DNAJC10: variants seen among roughly 807,000 people sequenced by gnomAD.
DNAJC10 encodes the protein DnaJ heat shock protein family (Hsp40) member C10.
A neutral mutation model predicts 115.0 loss-of-function variants in DNAJC10; 101 were observed. That is an observed-to-expected ratio of 0.88 (90% CI 0.75 to 1.04). The LOEUF is 1.04. DNAJC10 is among the 50% of genes least tolerant of loss of function. The pLI is 0.00. For missense variants in DNAJC10, 981 were observed against 928.8 expected, an observed-to-expected ratio of 1.06 and a Z score of -0.73; for synonymous variants, 307 against 301.5, an observed-to-expected ratio of 1.02 and a Z score of -0.19.
rs1009623870 is a variant in DNAJC10, at chr2:182,745,851, G to A, written c.1306+2139G>A. Among the ~76,000 whole-genome samples the A allele has an allele frequency of 7.2e-5, 11 of 151,798 alleles. 1 individual carries two copies. The highest frequency in any genetic ancestry group is 6.3e-4 in the South Asian group (3 of 4,800). On this transcript the variant is annotated intron_variant, in intron 14 of 23. Coordinates refer to ENST00000264065, the MANE Select transcript of DNAJC10 (RefSeq NM_018981.4). ...GCGCTGCACCCACTAACTCGTCATC[G>A]AGCATTAGGTATATCTCCCCATGCT...
chr2:182,778,150 C>T lies in DNAJC10; in HGVS notation c.*1018C>T, dbSNP rs999947403. The T allele has an allele frequency of 9.2e-5, 14 of 151,928 alleles. No homozygotes were observed. The highest frequency in any genetic ancestry group is 8.5e-4 in the Admixed American group (13 of 15,216). The allele number at this position is 151,928 out of a possible 1,614,324, so 9.4% of individuals were successfully genotyped here. On this transcript the variant is annotated 3_prime_UTR_variant, in exon 24 of 24. Coordinates refer to ENST00000264065, the MANE Select transcript of DNAJC10 (RefSeq NM_018981.4). ...CTTTATTTACATTGGGTTTTTCTTT[C>T]GTAGTTTTGGTTTTTCACTCCTGTC...
intron 16 of DNAJC10, among the ~76,000 whole-genome samples, chr2:182,753,740 G>T (rs190891228): frequency 6.6e-6 from 1 of 151,620 alleles, no homozygotes; most frequent in Non-Finnish European, 1.5e-5. Context: ...CCGCCACCAC[G>T]TCCGGCTAAC....
Position 182,783,437 on chromosome 2 carries a change from C to G in DNAJC10, c.*6305C>G, listed in dbSNP as rs532005146. ...AAGGCAAAAAATACATATACACACACAAAAAAAATATTTCAGCAGCCACTG... is the reference window on the plus strand; with the variant it reads ...AAGGCAAAAAATACATATACACACAGAAAAAAAATATTTCAGCAGCCACTG... On this transcript the variant is annotated 3_prime_UTR_variant, in exon 24 of 24. Transcript: ENST00000264065. 2 of 151,608 alleles carry G rather than the reference C, an allele frequency of 1.3e-5. No individual in the cohort carries two copies. The highest frequency in any genetic ancestry group is 1.3e-4 in the Admixed American group (2 of 15,238). The allele number at this position is 151,608 out of a possible 1,614,324, so 9.4% of individuals were successfully genotyped here.
In DNAJC10 at chr2:182,720,161, A is replaced by C; in HGVS notation, c.359A>C (p.Tyr120Ser). 1 of 1,606,716 alleles carries C rather than the reference A, an allele frequency of 6.2e-7. No individual in the cohort carries two copies. Among genetic ancestry groups the C allele is most frequent in the Non-Finnish European group, 8.5e-7 (1 of 1,177,542 alleles). ...TATGAAAGCTGGAACTATTATCGTT[A>C]TGATTTTGGTAAGGTGATACGATAT... is the stretch of plus-strand genomic sequence containing the variant. Reference protein sequence around the residue: ...GQYESWNYYRYDFGIYDDDPE... With the variant: ...GQYESWNYYRSDFGIYDDDPE... The change falls in exon 4 of 24, where the codon TAT (tyrosine) becomes TCT (serine). Residue 120 changes from tyrosine (Y) to serine (S), a missense_variant. Tyr to Ser is a moderately radical substitution (Grantham distance 144, BLOSUM62 -2). Transcript: ENST00000264065.
intron 13 of DNAJC10, 104 bp downstream of exon 13, chr2:182,741,460 A>C (rs1693734643): frequency 1.8e-6 from 1 of 556,002 alleles, no homozygotes; most frequent in Non-Finnish European, 3.0e-6. Context: ...ATTTGAAATT[A>C]TAAGAAGCCT....
intron 14 of DNAJC10, among the ~76,000 whole-genome samples, chr2:182,750,866 A>G (rs1157824374): frequency 1.3e-5 from 2 of 152,178 alleles, no homozygotes. Context: ...GGACCCCATC[A>G]TATATGTGGT....
At position 182,728,957 on chromosome 2, in the gene DNAJC10, A is replaced by T; in HGVS notation, c.596A>T (p.Asn199Ile). Residue 199 changes from asparagine (N) to isoleucine (I), a missense_variant, in exon 7 of 24, where the codon AAC (asparagine) becomes ATC (isoleucine). Physicochemically the swap from Asn to Ile is moderately radical, Grantham distance 149. Coordinates refer to ENST00000264065, the MANE Select transcript of DNAJC10 (RefSeq NM_018981.4). Reference sequence around the variant, plus strand: ...ATGCTTTGCCGAATGAAAGGAGTCAACAGCTATCCCAGCCTCTTCATTTTT... The same window carrying T: ...ATGCTTTGCCGAATGAAAGGAGTCATCAGCTATCCCAGCCTCTTCATTTTT... ...DRMLCRMKGV[N>I]SYPSLFIFRS... 1 of 1,614,100 alleles carries T rather than the reference A, an allele frequency of 6.2e-7. No individual in the cohort carries two copies.
intron 10 of DNAJC10, among the ~76,000 whole-genome samples, chr2:182,733,953 T>C (rs983996722): frequency 5.9e-5 from 9 of 151,550 alleles, no homozygotes; most frequent in Non-Finnish European, 1.3e-4. Context: ...GTAGTATCTA[T>C]AGTGATGTTC....
intron 18 of DNAJC10, among the ~76,000 whole-genome samples, chr2:182,757,432 A>G (rs1228741710): frequency 6.6e-6 from 1 of 152,214 alleles, no homozygotes; most frequent in Non-Finnish European, 1.5e-5. Flanking sequence ...TTAGAAGTAT[A>G]TAGTTTTTTC....
chr2:182,724,786 A>G (rs1881097), intron 5 of DNAJC10, among the ~76,000 whole-genome samples: 2,632 of 152,298 alleles, frequency 0.017, 66 homozygotes, highest in East Asian at 0.11. Context: ...ACTGTTAGGC[A>G]CAACATCCCA....
chr2:182,735,220 A>T (rs1018636663), intron 10 of DNAJC10, among the ~76,000 whole-genome samples: 4 of 151,804 alleles, frequency 2.6e-5, no homozygotes, highest in African/African-American at 9.7e-5. Flanking sequence ...GTACCCTAGA[A>T]ATTTTGTACA....
rs1421389256 is a variant in DNAJC10, at chr2:182,789,832, C to G, written c.*12700C>G. The G allele has an allele frequency of 1.3e-5, 2 of 152,172 alleles. No individual in the cohort carries two copies. Among genetic ancestry groups the G allele is most frequent in the Non-Finnish European group, 2.9e-5 (2 of 68,032 alleles). The allele number at this position is 152,172 out of a possible 1,614,324, so 9.4% of individuals were successfully genotyped here. On this transcript the variant is annotated 3_prime_UTR_variant, in exon 24 of 24. Coordinates refer to ENST00000264065, the MANE Select transcript of DNAJC10 (RefSeq NM_018981.4). Reference sequence around the variant, plus strand: ...TGATTTTTCCACATCCTCACCAACACTCATTTTTTTTAAATAGTAGGTATC... The same window carrying G: ...TGATTTTTCCACATCCTCACCAACAGTCATTTTTTTTAAATAGTAGGTATC...
chr2:182,756,510 A>G (rs762264931), intron 18 of DNAJC10, 41 bp downstream of exon 18: 14 of 1,548,136 alleles, frequency 9.0e-6, no homozygotes, highest in Non-Finnish European at 1.2e-5. Flanking sequence ...AACATTTACT[A>G]AGAATGTTTA....
chr2:182,736,250 A>G lies in DNAJC10; in HGVS notation c.851A>G (p.Asp284Gly). The G allele has an allele frequency of 6.4e-7, 1 of 1,554,734 alleles. No homozygotes were observed. Among genetic ancestry groups the G allele is most frequent in the Non-Finnish European group, 8.6e-7 (1 of 1,159,654 alleles). ...QTRLRLSGML[D>G]GLVNVGWMDC... Reference sequence around the variant, plus strand: ...GTTTGTTGTTTCTTTCCATTTTAGGATGGTCTTGTTAATGTAGGATGGATG... The same window carrying G: ...GTTTGTTGTTTCTTTCCATTTTAGGGTGGTCTTGTTAATGTAGGATGGATG... The change falls in exon 11 of 24, where the codon GAT (aspartate) becomes GGT (glycine). Residue 284 changes from aspartate to glycine, a missense_variant and splice_region_variant. Asp to Gly is a moderately conservative substitution (Grantham distance 94, BLOSUM62 -1). Coordinates refer to ENST00000264065, the MANE Select transcript of DNAJC10 (RefSeq NM_018981.4).
rs1001517453 is a variant in DNAJC10, at chr2:182,781,124, T to G, written c.*3992T>G. 1 of 151,628 alleles carries G rather than the reference T, an allele frequency of 6.6e-6. No individual in the cohort carries two copies. Among genetic ancestry groups the G allele is most frequent in the African/African-American group, 2.4e-5 (1 of 41,342 alleles). 9.4% of individuals were successfully genotyped at this position (151,628 alleles called of 1,614,324 possible). A position where few individuals can be genotyped will look rare whatever the true frequency, so the allele number is the denominator to read the frequency against. ...TAATGTTGTCCTTCCCCTTGCCCCC[T>G]ACCCCGCCGACAGGCCCCATTGTTG... On this transcript the variant is annotated 3_prime_UTR_variant, in exon 24 of 24. Coordinates refer to ENST00000264065, the MANE Select transcript of DNAJC10 (RefSeq NM_018981.4).
At chr2:182,734,285 T>C (rs1172549825) in intron 10 of DNAJC10, among the ~76,000 whole-genome samples, 1 of 151,516 alleles carries the variant, frequency 6.6e-6, no homozygotes. Context: ...GATATATATA[T>C]ATAGTATTTT....
intron 3 of DNAJC10, among the ~76,000 whole-genome samples, chr2:182,719,406 A>G (rs1693087281): frequency 6.6e-6 from 1 of 151,752 alleles, no homozygotes; most frequent in African/African-American, 2.4e-5. Flanking sequence ...GGCGTGCGTC[A>G]CTACTGCCCA....
chr2:182,754,665 T>C (rs534737401), intron 16 of DNAJC10: 7 of 646,990 alleles, frequency 1.1e-5, no homozygotes, highest in African/African-American at 2.0e-5. Flanking sequence ...GCTAGAGATA[T>C]AGCCTGTTGT....
intron 23 of DNAJC10, 75 bp downstream of exon 23, chr2:182,775,495 C>A: frequency 1.2e-6 from 1 of 830,064 alleles, no homozygotes; most frequent in Non-Finnish European, 2.0e-6. Flanking sequence ...CTATACATTA[C>A]ATGCATCCAG....
Sources: allele counts gnomAD v4.1 joint callset (sites outside exome capture counted in the v4.1 genomes callset), GRCh38; gene constraint gnomAD v4.1.1; transcripts MANE v1.5; gene names NCBI Gene and HGNC (gene_info 2026-07-23, HGNC 2026-07-21).